Variants in FARP2 observed in about 807,000 individuals in gnomAD.
The protein encoded by FARP2 is FERM, ARHGEF and pleckstrin domain-containing protein 2.
A neutral mutation model predicts 130.5 loss-of-function variants in FARP2; 111 were observed. That is an observed-to-expected ratio of 0.85 (90% confidence interval 0.73 to 1.00). The LOEUF (loss-of-function observed/expected upper bound fraction) is 1.00. FARP2 is among the 50% of genes least tolerant of loss of function. The pLI, the probability that FARP2 is intolerant of heterozygous loss-of-function variation, is 0.00. For synonymous variants in FARP2, 504 were observed against 516.9 expected, an observed-to-expected ratio of 0.98 and a Z score of 0.34; for missense variants, 1,385 against 1,346.3, an observed-to-expected ratio of 1.03 and a Z score of -0.45.
intron 14 of FARP2, 66 bp from the exon 15 acceptor site, chr2:241,462,457 G>A: frequency 8.9e-7 from 1 of 1,126,570 alleles, no homozygotes. Flanking sequence ...CCAACTTCAG[G>A]CTCCCTGAGC....
intron 12 of FARP2, among the ~76,000 whole-genome samples, chr2:241,438,571 G>T (rs551507849): frequency 2.5e-4 from 38 of 151,682 alleles, no homozygotes; most frequent in Non-Finnish European, 3.8e-4. Context: ...TAAAGCTCAT[G>T]GTATCCCAGG....
At chr2:241,427,947 T>C (rs1322960416) in intron 8 of FARP2, among the ~76,000 whole-genome samples, 1 of 152,176 alleles carries the variant, frequency 6.6e-6, no homozygotes, top group Non-Finnish European at 1.5e-5. Context: ...TTTGTATTTT[T>C]AGTAGAGGCG....
Position 241,493,569 on chromosome 2 carries a change from C to T in FARP2, c.3047+125C>T, listed in dbSNP as rs765174581. ...GAAAGGAAGGGCTGAGCAATGCTTC[C>T]AGCATTTCCAAAAAACAGCAATGCT... On this transcript the variant is annotated intron_variant, in intron 26 of 26. Coordinates refer to ENST00000264042, the MANE Select transcript of FARP2 (RefSeq NM_014808.4). The T allele has an allele frequency of 2.5e-5, 20 of 811,688 alleles. 1 individual carries two copies. The South Asian group carries it at 3.2e-4, about 13-fold the overall frequency. 50.3% of individuals were successfully genotyped at this position (811,688 alleles called of 1,614,324 possible).
At chr2:241,411,424 T>C (rs2062514756) in intron 6 of FARP2, among the ~76,000 whole-genome samples, 2 of 152,236 alleles carry the variant, frequency 1.3e-5, no homozygotes, top group Non-Finnish European at 2.9e-5. Flanking sequence ...CAGCAATGCA[T>C]ATTCAGTCTA....
chr2:241,378,613 C>T (rs2061594449), intron 2 of FARP2, among the ~76,000 whole-genome samples: 1 of 151,888 alleles, frequency 6.6e-6, no homozygotes. Flanking sequence ...GGTCTCCCCA[C>T]ATTACCCATT....
chr2:241,371,264 G>A (rs1360592318), intron 1 of FARP2, among the ~76,000 whole-genome samples: 1 of 152,146 alleles, frequency 6.6e-6, no homozygotes, highest in Non-Finnish European at 1.5e-5. Context: ...CGGAGGATGA[G>A]TTGAGGCCAG....
intron 2 of FARP2, among the ~76,000 whole-genome samples, chr2:241,399,944 A>G (rs2150342192): frequency 6.6e-6 from 1 of 152,318 alleles, no homozygotes; most frequent in African/African-American, 2.4e-5. Context: ...TTAAACACAC[A>G]TACATATGTT....
chr2:241,453,448 C>G (rs1366661768), intron 13 of FARP2, among the ~76,000 whole-genome samples: 10 of 151,844 alleles, frequency 6.6e-5, no homozygotes, highest in South Asian at 2.1e-4. Flanking sequence ...TGGTGAAACC[C>G]CGTCTCTACT....
chr2:241,413,196 C>A, intron 6 of FARP2, 111 bp from the exon 7 acceptor site: 1 of 647,022 alleles, frequency 1.5e-6, no homozygotes, highest in Non-Finnish European at 2.6e-6. Context: ...GGGATATATT[C>A]TTTTGCTACA....
At chr2:241,430,930 G>C (rs1433934633) in intron 8 of FARP2, among the ~76,000 whole-genome samples, 1 of 151,800 alleles carries the variant, frequency 6.6e-6, no homozygotes, top group African/African-American at 2.4e-5. Flanking sequence ...AACCCAGGAG[G>C]CGGAGGTTAC....
chr2:241,463,960 A>C lies in FARP2; in HGVS notation c.1873A>C (p.Arg625=). 6.2e-7 allele frequency: 1 copy of C among 1,614,076 alleles called. No individual in the cohort carries two copies. The highest frequency in any genetic ancestry group is 8.5e-7 in the Non-Finnish European group (1 of 1,179,920). Residue 625 remains arginine (R), a synonymous_variant, in exon 17 of 27, where the codon AGG becomes CGG. Transcript: ENST00000264042. ...TCAACGAATCGGGGACATCCTGCTCAGGAACATGCGCCAGTTAAAGGTAGG... is the reference window on the plus strand; with the variant it reads ...TCAACGAATCGGGGACATCCTGCTCCGGAACATGCGCCAGTTAAAGGTAGG... ...SHQRIGDILL[R]NMRQLKEFTS...
At position 241,474,801 on chromosome 2, in the gene FARP2, T is replaced by TAATAAATAAATAAATA. The variant is rs56306612; in HGVS notation, c.2132-1033_2132-1018dup. The stretch of plus-strand genomic sequence containing the variant: ...AGTGAGACCCTGTCTCTAATAATAA[T>TAATAAATAAATAAATA]AATAAATAAATAAATAAATAAATAA... On this transcript the variant is annotated intron_variant, in intron 18 of 26. Coordinates refer to ENST00000264042, the MANE Select transcript of FARP2 (RefSeq NM_014808.4). 2.3e-3 allele frequency among the ~76,000 whole-genome samples: 318 copies of TAATAAATAAATAAATA among 140,326 alleles called. 1 individual carries two copies. Among genetic ancestry groups the TAATAAATAAATAAATA allele is most frequent in the Non-Finnish European group, 3.6e-3 (235 of 65,616 alleles). The allele number at this position is 140,326 out of a possible 152,430, so 92.1% of individuals were successfully genotyped here.
At chr2:241,366,110 T>TATATATACAC (rs57640410) in intron 1 of FARP2, among the ~76,000 whole-genome samples, 7 of 55,592 alleles carry the variant, frequency 1.3e-4, no homozygotes, top group South Asian at 9.8e-4. Flanking sequence ...AAAAAATATA[T>TATATATACAC]ATATATATAT....
chr2:241,416,321 T>C (rs190624766), intron 7 of FARP2, among the ~76,000 whole-genome samples: 1 of 152,250 alleles, frequency 6.6e-6, no homozygotes, highest in East Asian at 1.9e-4. Context: ...GGGAATACAG[T>C]TGAACTCTTG....
chr2:241,420,231 C>T (rs2150376510), intron 8 of FARP2, among the ~76,000 whole-genome samples: 1 of 152,312 alleles, frequency 6.6e-6, no homozygotes, highest in African/African-American at 2.4e-5. Flanking sequence ...ACTGTACAAA[C>T]AAGGAAGCAG....
Position 241,454,455 on chromosome 2 carries a change from G to A in FARP2, c.1412-2292G>A, listed in dbSNP as rs551315536. On this transcript the variant is annotated intron_variant, in intron 13 of 26. Transcript: ENST00000264042. ...CACTAGTAGCTTCTAGACTTTTTCC[G>A]AATTCTCATCACATAAAATATCTCC... Among the ~76,000 whole-genome samples, 415 of 152,258 alleles carry A rather than the reference G, an allele frequency of 2.7e-3. 10 individuals carry two copies. The South Asian group carries it at 0.057, about 21-fold the overall frequency.
chr2:241,402,876 ATATAT>A (rs2062226225), intron 2 of FARP2, among the ~76,000 whole-genome samples: 1 of 10,448 alleles, frequency 9.6e-5, no homozygotes, highest in Non-Finnish European at 1.7e-4. Context: ...ATATATATAT[ATATAT>A]TTTTTTTTTT....
chr2:241,376,333 T>C (rs1026882342), intron 2 of FARP2, among the ~76,000 whole-genome samples: 1 of 152,248 alleles, frequency 6.6e-6, no homozygotes, highest in African/African-American at 2.4e-5. Context: ...AGGCTAGCTC[T>C]GATTCGAGGG....
intron 2 of FARP2, among the ~76,000 whole-genome samples, chr2:241,389,974 A>C (rs1439175402): frequency 6.6e-6 from 1 of 152,090 alleles, no homozygotes; most frequent in Non-Finnish European, 1.5e-5. Flanking sequence ...TCTTTGGTCT[A>C]TCACCTCTGC....
Sources: gnomAD v4.1 joint callset for allele counts (sites outside exome capture counted in the v4.1 genomes callset) on GRCh38, gnomAD v4.1.1 for gene constraint, MANE v1.5 for transcripts, NCBI Gene and HGNC (gene_info 2026-07-23, HGNC 2026-07-21) for gene names.